Variants in KALRN observed in about 807,000 individuals in gnomAD.
KALRN encodes kalirin RhoGEF kinase, also known as kalirin.
Under a neutral mutation model 353.7 loss-of-function variants are expected in KALRN, and 70 were observed. That is an observed-to-expected ratio of 0.20 (90% confidence interval 0.16 to 0.24). The LOEUF is 0.24. KALRN is among the 10% of genes least tolerant of loss of function. KALRN has a pLI of 1.00. For synonymous variants in KALRN, 1,391 were observed against 1,434.8 expected (o/e 0.97, Z 0.69); for missense variants, 2,791 against 3,756.7 (o/e 0.74, Z 6.72).
At chr3:124,049,183 C>T (rs2040808032) in intron 1 of KALRN, among the ~76,000 whole-genome samples, 1 of 152,230 alleles carries the variant, frequency 6.6e-6, no homozygotes, top group East Asian at 1.9e-4. Flanking sequence ...GCCAAAAAAG[C>T]CGCATCTGTT....
At chr3:124,646,923 A>G (rs2082827813) in intron 37 of KALRN, among the ~76,000 whole-genome samples, 2 of 152,096 alleles carry the variant, frequency 1.3e-5, no homozygotes, top group Admixed American at 1.3e-4. Flanking sequence ...CACATCAGAG[A>G]CATTGTCCCA....
chr3:124,580,373 TG>T (rs1554038099), intron 34 of KALRN, among the ~76,000 whole-genome samples: 1 of 33,136 alleles, frequency 3.0e-5, no homozygotes. Flanking sequence ...TGGGGGTGGG[TG>T]GGGAGGGGGG....
chr3:124,059,547 C>T (rs1045649571), intron 1 of KALRN, among the ~76,000 whole-genome samples: 1 of 152,168 alleles, frequency 6.6e-6, no homozygotes, highest in Admixed American at 6.5e-5. Context: ...ACCAACATTT[C>T]CTTCTCAATC....
At chr3:124,202,053 A>G (rs1173394526) in intron 1 of KALRN, among the ~76,000 whole-genome samples, 6 of 152,058 alleles carry the variant, frequency 3.9e-5, no homozygotes, top group Admixed American at 3.9e-4. Context: ...CCTGTCTCCT[A>G]CCTCCCTTCA....
intron 34 of KALRN, among the ~76,000 whole-genome samples, chr3:124,576,021 A>G (rs187988070): frequency 1.8e-4 from 28 of 152,042 alleles, no homozygotes; most frequent in Admixed American, 1.2e-3. Context: ...CAAGCCATGC[A>G]TACGCTCACC....
At chr3:124,563,163 A>G in intron 34 of KALRN, 74 bp downstream of exon 34, 1 of 1,305,784 alleles carries the variant, frequency 7.7e-7, no homozygotes, top group Admixed American at 2.1e-5. Context: ...GCTGAAGACC[A>G]CCATGGAAGT....
At chr3:124,193,972 G>T (rs1161446583) in intron 1 of KALRN, among the ~76,000 whole-genome samples, 1 of 152,084 alleles carries the variant, frequency 6.6e-6, no homozygotes, top group Non-Finnish European at 1.5e-5. Context: ...ATGAAATTCT[G>T]TACTCCAAAA....
chr3:124,126,910 G>T (rs1351284663), intron 1 of KALRN, among the ~76,000 whole-genome samples: 1 of 152,126 alleles, frequency 6.6e-6, no homozygotes, highest in Non-Finnish European at 1.5e-5. Context: ...GAACAGATGG[G>T]CACAATACTC....
intron 1 of KALRN, among the ~76,000 whole-genome samples, chr3:124,175,607 G>A (rs1379678418): frequency 1.3e-5 from 2 of 151,920 alleles, no homozygotes; most frequent in African/African-American, 2.4e-5. Context: ...GCGCTGCCGA[G>A]TGTCCAGGCC....
In KALRN at chr3:124,657,685, C is replaced by A. The variant is rs909421781; in HGVS notation, c.5967-49C>A. 7.7e-6 allele frequency: 11 copies of A among 1,435,894 alleles called. No individual in the cohort carries two copies. In the African/African-American group the frequency reaches 1.4e-4, roughly 18 times the overall value. The allele number at this position is 1,435,894 out of a possible 1,614,324, so 88.9% of individuals were successfully genotyped here. ...TTCATCTTATTATTGAGAAATAATACAGTTCTGAATAATGTGGCTTCCTTC... is the reference window on the plus strand; with the variant it reads ...TTCATCTTATTATTGAGAAATAATAAAGTTCTGAATAATGTGGCTTCCTTC... On this transcript the variant is annotated intron_variant, in intron 40 of 59. Coordinates refer to ENST00000682506, the MANE Select transcript of KALRN (RefSeq NM_001388419.1).
intron 1 of KALRN, among the ~76,000 whole-genome samples, chr3:124,139,102 A>G (rs1051140223): frequency 6.6e-6 from 1 of 152,084 alleles, no homozygotes; most frequent in Non-Finnish European, 1.5e-5. Context: ...GGTAGAGAAG[A>G]GCTCTCCTCT....
rs184167346 is a variant in KALRN, at chr3:124,684,642, C to T, written c.7377+5125C>T. On this transcript the variant is annotated intron_variant, in intron 51 of 59. Transcript: ENST00000682506. ...TGTGTAACCCTTTGAGCACCATGCA[C>T]GTCTAAGGTGTGCTAACAAAGGACT... 1.5e-3 allele frequency among the ~76,000 whole-genome samples: 231 copies of T among 152,306 alleles called. 3 individuals carry two copies. The highest frequency in any genetic ancestry group is 5.3e-3 in the African/African-American group (219 of 41,574).
chr3:124,607,897 G>A (rs989789939), intron 34 of KALRN, among the ~76,000 whole-genome samples: 13 of 152,100 alleles, frequency 8.5e-5, no homozygotes, highest in African/African-American at 2.9e-4. Flanking sequence ...GAGCCACAGT[G>A]CCTCCACAGC....
At chr3:124,582,896 A>G (rs1474445734) in intron 34 of KALRN, among the ~76,000 whole-genome samples, 1 of 152,066 alleles carries the variant, frequency 6.6e-6, no homozygotes, top group Non-Finnish European at 1.5e-5. Context: ...CAGCCTGCCA[A>G]GTAACTGGGA....
chr3:124,052,954 T>C (rs1385805731), intron 1 of KALRN, among the ~76,000 whole-genome samples: 2 of 152,048 alleles, frequency 1.3e-5, no homozygotes, highest in African/African-American at 4.8e-5. Flanking sequence ...TCATGGAGAA[T>C]TAGAGGATTG....
At chr3:124,699,784 TTTTCCTGTCTTTG>T in intron 55 of KALRN, 72 bp from the exon 56 acceptor site, 1 of 1,322,278 alleles carries the variant, frequency 7.6e-7, no homozygotes. Flanking sequence ...AATGTGTCTA[TTTTCCTGTCTTTG>T]TTTGCTGAAG....
At chr3:124,486,659 G>A (rs2062605107) in intron 28 of KALRN, among the ~76,000 whole-genome samples, 1 of 152,204 alleles carries the variant, frequency 6.6e-6, no homozygotes, top group Admixed American at 6.5e-5. Context: ...AAGGATACAA[G>A]TAATTCCAAG....
chr3:124,257,469 T>A (rs1269951196), intron 3 of KALRN, among the ~76,000 whole-genome samples: 1 of 152,230 alleles, frequency 6.6e-6, no homozygotes, highest in Non-Finnish European at 1.5e-5. Flanking sequence ...AGCACAGGCT[T>A]ACTAAGTGAA....
chr3:124,680,672 A>G (rs2087687541), intron 51 of KALRN, among the ~76,000 whole-genome samples: 2 of 152,238 alleles, frequency 1.3e-5, no homozygotes, highest in Non-Finnish European at 2.9e-5. Context: ...CATGAGGCCT[A>G]AGAGCCGGTA....
Sources: gnomAD v4.1 joint callset for allele counts (sites outside exome capture counted in the v4.1 genomes callset) on GRCh38, gnomAD v4.1.1 for gene constraint, MANE v1.5 for transcripts, NCBI Gene and HGNC (gene_info 2026-07-23, HGNC 2026-07-21) for gene names.